Variants in AZIN2 observed in about 807,000 individuals in gnomAD.
AZIN2 encodes antizyme inhibitor 2, also known as ODC antizyme inhibitor-2.
AZIN2 carries 28 observed loss-of-function variants against 47.8 expected under a neutral mutation model. The ratio of observed to expected loss-of-function variants is 0.59; its 90% CI spans 0.43 to 0.80. AZIN2 has a LOEUF of 0.80. Among genes scored for constraint, AZIN2 ranks in the 30% least tolerant of loss-of-function variants. The pLI, the probability that AZIN2 is intolerant of heterozygous loss-of-function variation, is 0.00. For missense variants in AZIN2, 535 were observed against 582.5 expected (o/e 0.92, Z 0.84); for synonymous variants, 221 against 239.4 (o/e 0.92, Z 0.71).
In AZIN2 at chr1:33,117,842, G is replaced by T. The variant is rs1644622855; in HGVS notation, c.1030-60G>T. The T allele has an allele frequency of 4.4e-6, 7 of 1,578,896 alleles. No homozygotes were observed. The South Asian group carries it at 6.7e-5, about 15-fold the overall frequency. ...GAGCCATAGAAGGCTTTTGAGGGAG[G>T]GAGTGGCAAGGCTGTTGTATGCCCA... On this transcript the variant is annotated intron_variant, in intron 10 of 11. Transcript: ENST00000294517.
intron 5 of AZIN2, among the ~76,000 whole-genome samples, chr1:33,090,866 C>T (rs546791555): frequency 6.6e-6 from 1 of 152,240 alleles, no homozygotes; most frequent in African/African-American, 2.4e-5. Context: ...GCCATTGACC[C>T]GAGCCCTTGG....
intron 10 of AZIN2, among the ~76,000 whole-genome samples, chr1:33,102,817 A>C (rs1472082411): frequency 6.6e-6 from 1 of 152,072 alleles, no homozygotes; most frequent in Non-Finnish European, 1.5e-5. Flanking sequence ...TGAGATTCCT[A>C]CTGGGATTTC....
chr1:33,156,566 G>T, the AZIN2 span, among the ~76,000 whole-genome samples: 2 of 152,114 alleles, frequency 1.3e-5, no homozygotes, highest in Non-Finnish European at 2.9e-5. Flanking sequence ...TCCCCCTCTT[G>T]TCCCTGACTT....
At chr1:33,129,341 G>A in the AZIN2 span, among the ~76,000 whole-genome samples, 8 of 152,108 alleles carry the variant, frequency 5.3e-5, no homozygotes, top group Non-Finnish European at 8.8e-5. The surrounding 1 kb of genome is among the most constrained non-coding windows in gnomAD (Gnocchi z 4.1). Context: ...ACAGAGGACC[G>A]GCCTTACAAA....
At chr1:33,153,382 C>T in the AZIN2 span, among the ~76,000 whole-genome samples, 1 of 152,248 alleles carries the variant, frequency 6.6e-6, no homozygotes, top group Non-Finnish European at 1.5e-5. Flanking sequence ...AGGCAGCTTT[C>T]TCTAGAGCAG....
At chr1:33,091,841 C>T (rs1201455336) in intron 5 of AZIN2, among the ~76,000 whole-genome samples, 4 of 152,230 alleles carry the variant, frequency 2.6e-5, no homozygotes, top group Non-Finnish European at 5.9e-5. Flanking sequence ...AGTGTACCAC[C>T]CGCATGGCTG....
At chr1:33,100,809 C>T (rs1643622467) in intron 10 of AZIN2, among the ~76,000 whole-genome samples, 1 of 152,040 alleles carries the variant, frequency 6.6e-6, no homozygotes, top group Non-Finnish European at 1.5e-5. Flanking sequence ...TATTAACTTG[C>T]TGAAATCAGG....
intron 10 of AZIN2, among the ~76,000 whole-genome samples, chr1:33,103,018 T>C (rs56013973): frequency 0.011 from 1,707 of 152,268 alleles, 14 homozygotes; most frequent in Non-Finnish European, 0.018. Flanking sequence ...CAAAATACAT[T>C]TTGGTTTCAG....
At position 33,120,200 on chromosome 1, in the gene AZIN2, C is replaced by G. The variant is rs181088288; in HGVS notation, c.*18C>G. On this transcript the variant is annotated 3_prime_UTR_variant, in exon 12 of 12. Coordinates refer to ENST00000294517, the MANE Select transcript of AZIN2 (RefSeq NM_052998.4). ...TCATGTGAGTGGGCCTCGTTCCCCC[C>G]GGAGAATCCCAGCGGGGCCTCAGAG... 2.5e-6 allele frequency: 4 copies of G among 1,587,160 alleles called. No homozygotes were observed. The African/African-American group carries it at 4.0e-5, about 16-fold the overall frequency.
chr1:33,158,150 T>TGCTCATTCACCCC, the AZIN2 span: 1 of 1,033,796 alleles, frequency 9.7e-7, no homozygotes, highest in Non-Finnish European at 1.5e-6. Flanking sequence ...CAAGGCACTC[T>TGCTCATTCACCCC]GCTCATTCAC....
In AZIN2 at chr1:33,082,307, C is replaced by T. The variant is rs1449959046; in HGVS notation, c.58C>T (p.Arg20Ter). ...FVMVEEGFST[R>*]DLLKELTLGA... ...GATGGTGGAGGAGGGCTTCAGTACC[C>T]GAGACCTGCTGAAGGAACTCACTCT... The change falls in exon 4 of 12, where the codon CGA becomes TGA. Residue 20 changes from arginine to a stop codon, truncating the protein, a stop_gained. Transcript: ENST00000294517. LOFTEE classifies it high-confidence loss of function. The T allele has an allele frequency of 2.5e-6, 4 of 1,613,946 alleles. No homozygotes were observed. Among genetic ancestry groups the T allele is most frequent in the Non-Finnish European group, 2.5e-6 (3 of 1,180,008 alleles).
chr1:33,151,853 G>T, the AZIN2 span, among the ~76,000 whole-genome samples: 1 of 152,222 alleles, frequency 6.6e-6, no homozygotes, highest in East Asian at 1.9e-4. Flanking sequence ...AGCGGAGAAA[G>T]CCCTCCCGGG....
chr1:33,083,828 A>G (rs1437368033), intron 4 of AZIN2, 126 bp from the exon 5 acceptor site: 2 of 1,169,610 alleles, frequency 1.7e-6, no homozygotes, highest in African/African-American at 1.5e-5. Flanking sequence ...GGCCCAGAAA[A>G]CTTAGCAGCA....
At chr1:33,149,060 G>T in the AZIN2 span, among the ~76,000 whole-genome samples, 5 of 152,116 alleles carry the variant, frequency 3.3e-5, no homozygotes, top group African/African-American at 1.2e-4. Flanking sequence ...ACCCCCAGAG[G>T]CTCAATTCAA....
At chr1:33,129,857 ATTAT>A in the AZIN2 span, among the ~76,000 whole-genome samples, 1 of 152,042 alleles carries the variant, frequency 6.6e-6, no homozygotes, top group Admixed American at 6.6e-5. The surrounding 1 kb of genome is among the most constrained non-coding windows in gnomAD (Gnocchi z 4.1). Context: ...AGCTTTGCAC[ATTAT>A]TTATTTATTT....
chr1:33,152,127 G>C, the AZIN2 span, among the ~76,000 whole-genome samples: 1 of 152,244 alleles, frequency 6.6e-6, no homozygotes, highest in Admixed American at 6.5e-5. Context: ...TTTTTCAGAA[G>C]AGGAGACTGA....
Position 33,120,195 on chromosome 1 carries a change from C to A in AZIN2, c.*13C>A. 1 of 1,588,952 alleles carries A rather than the reference C, an allele frequency of 6.3e-7. No individual in the cohort carries two copies. Among genetic ancestry groups the A allele is most frequent in the Non-Finnish European group, 8.6e-7 (1 of 1,161,826 alleles). ...GAGCATCATGTGAGTGGGCCTCGTT[C>A]CCCCCGGAGAATCCCAGCGGGGCCT... is the stretch of plus-strand genomic sequence containing the variant. On this transcript the variant is annotated 3_prime_UTR_variant, in exon 12 of 12. Coordinates refer to ENST00000294517, the MANE Select transcript of AZIN2 (RefSeq NM_052998.4).
intron 10 of AZIN2, among the ~76,000 whole-genome samples, chr1:33,109,370 GC>G (rs1644179053): frequency 6.7e-6 from 1 of 150,336 alleles, no homozygotes; most frequent in Non-Finnish European, 1.5e-5. Flanking sequence ...TGTCACCCAG[GC>G]TGGATGGAGT....
chr1:33,159,917 TA>T, the AZIN2 span: 1 of 1,607,092 alleles, frequency 6.2e-7, no homozygotes, highest in Non-Finnish European at 8.5e-7. The surrounding 1 kb of genome is among the most constrained non-coding windows in gnomAD (Gnocchi z 4.2). Flanking sequence ...GCCTCGCCGA[TA>T]GTGGTCCGCA....
Sources: allele counts gnomAD v4.1 joint callset (sites outside exome capture counted in the v4.1 genomes callset), GRCh38; gene constraint gnomAD v4.1.1; non-coding constraint Gnocchi (gnomAD v3.1); transcripts MANE v1.5; gene names NCBI Gene and HGNC (gene_info 2026-07-23, HGNC 2026-07-21).